Variants in PIWIL3 observed in about 807,000 individuals in gnomAD.
The protein encoded by PIWIL3 is piwi like RNA-mediated gene silencing 3, also known as piwi-like protein 3.
Under a neutral mutation model 109.7 loss-of-function variants are expected in PIWIL3, and 101 were observed. The observed-to-expected ratio is 0.92, with a 90% CI of 0.78 to 1.09. The LOEUF is 1.09. PIWIL3 is among the 50% of genes least tolerant of loss of function. The probability of loss-of-function intolerance (pLI) is 0.00; values close to 1 mark genes in which losing one functional copy is unlikely to be tolerated. For synonymous variants in PIWIL3, 373 were observed against 376.4 expected (o/e 0.99, Z 0.10); for missense variants, 1,031 against 1,072.6 (o/e 0.96, Z 0.54).
rs780967904 is a variant in PIWIL3, at chr22:24,728,164, A to G, written c.1905+13T>C. 4.3e-6 allele frequency: 7 copies of G among 1,613,326 alleles called. No homozygotes were observed. The East Asian group carries it at 1.6e-4, about 36-fold the overall frequency. ...AGAAGTAAGTTAAACGAAGTCAGTG[A>G]AATACAACATACGTCTGTCTCCACC... On this transcript the variant is annotated intron_variant, in intron 15 of 20. Coordinates refer to ENST00000616349, the MANE Select transcript of PIWIL3 (RefSeq NM_001255975.1).
At chr22:24,720,853 G>T (rs1247062173) in intron 19 of PIWIL3, among the ~76,000 whole-genome samples, 3 of 152,164 alleles carry the variant, frequency 2.0e-5, no homozygotes, top group Non-Finnish European at 4.4e-5. Context: ...AGCAGCAGCA[G>T]CTTTATCATT....
chr22:24,747,323 A>G (rs945711052), intron 12 of PIWIL3, among the ~76,000 whole-genome samples: 1 of 152,196 alleles, frequency 6.6e-6, no homozygotes, highest in Non-Finnish European at 1.5e-5. Context: ...GCTTGAAGAC[A>G]TAAATCCAAG....
rs1569092960 is a variant in PIWIL3 at position 24,719,464 on chromosome 22, T to C, written c.*8A>G. On this transcript the variant is annotated 3_prime_UTR_variant, in exon 21 of 21. Transcript: ENST00000616349. ...GTTTCATTAGCACATCAGGTCTTCT[T>C]CTGCAGGTCAAAGGTAAAAGAGACG... The C allele has an allele frequency of 6.4e-7, 1 of 1,551,292 alleles. No homozygotes were observed. The highest frequency in any genetic ancestry group is 8.7e-7 in the Non-Finnish European group (1 of 1,150,038).
chr22:24,735,894 T>C lies in PIWIL3; in HGVS notation c.1450-2A>G. 6 of 1,588,826 alleles carry C rather than the reference T, an allele frequency of 3.8e-6. No individual in the cohort carries two copies. Among genetic ancestry groups the C allele is most frequent in the Non-Finnish European group, 5.1e-6 (6 of 1,169,326 alleles). ...GTCTCCTTGTGAATTGGCTTTAACC[T>C]GGAAAAGAATTATAAGACATGGCAT... On this transcript the variant is annotated splice_acceptor_variant, in intron 12 of 20. Coordinates refer to ENST00000616349, the MANE Select transcript of PIWIL3 (RefSeq NM_001255975.1). LOFTEE classifies it high-confidence loss of function.
At chr22:24,742,988 G>A (rs991683770) in intron 12 of PIWIL3, among the ~76,000 whole-genome samples, 4 of 152,088 alleles carry the variant, frequency 2.6e-5, no homozygotes, top group African/African-American at 9.7e-5. Context: ...CCCAAACTAT[G>A]CATATGATGA....
chr22:24,773,505 G>T (rs368623731), intron 1 of PIWIL3, among the ~76,000 whole-genome samples: 6 of 152,062 alleles, frequency 3.9e-5, no homozygotes, highest in Admixed American at 2.6e-4. Flanking sequence ...GCCACCATCT[G>T]CATCATCCCC....
At chr22:24,744,692 T>G (rs1924250033) in intron 12 of PIWIL3, among the ~76,000 whole-genome samples, 1 of 152,204 alleles carries the variant, frequency 6.6e-6, no homozygotes, top group Non-Finnish European at 1.5e-5. Context: ...AGCAAGAGGA[T>G]ATGACAATTG....
chr22:24,757,894 C>A lies in PIWIL3; in HGVS notation c.355+14G>T, dbSNP rs767443628. On this transcript the variant is annotated intron_variant, in intron 4 of 20. Transcript: ENST00000616349. ...CGAACAGCTCCATAAACATTGAGTT[C>A]TAGACCAACATACCTGTTTTTGAGT... The A allele has an allele frequency of 4.4e-6, 7 of 1,582,622 alleles. No homozygotes were observed. Among genetic ancestry groups the A allele is most frequent in the Non-Finnish European group, 5.1e-6 (6 of 1,169,258 alleles).
At position 24,730,312 on chromosome 22, in the gene PIWIL3, C is replaced by T. The variant is rs531704689; in HGVS notation, c.1708-1938G>A. 1.1e-3 allele frequency among the ~76,000 whole-genome samples: 150 copies of T among 135,884 alleles called. 1 individual carries two copies. Among genetic ancestry groups the T allele is most frequent in the African/African-American group, 4.1e-3 (144 of 35,416 alleles). The allele number at this position is 135,884 out of a possible 152,430, so 89.1% of individuals were successfully genotyped here. A position where few individuals can be genotyped will look rare whatever the true frequency, so the allele number is the denominator to read the frequency against. On this transcript the variant is annotated intron_variant, in intron 14 of 20. Transcript: ENST00000616349. ...CTGGGAGGCGGAGGTTGCAGTGAGC[C>T]GAGATTGCATCACTACACTCCAGCC...
intron 14 of PIWIL3, among the ~76,000 whole-genome samples, chr22:24,730,340 G>T (rs1446802443): frequency 7.0e-6 from 1 of 143,144 alleles, no homozygotes; most frequent in Non-Finnish European, 1.5e-5. Context: ...CTCCAGCCTG[G>T]GTGACAGAGT....
At chr22:24,758,107 C>T in intron 3 of PIWIL3, 68 bp from the exon 4 acceptor site, 1 of 1,509,550 alleles carries the variant, frequency 6.6e-7, no homozygotes, top group Non-Finnish European at 9.0e-7. Context: ...AGCATTAACA[C>T]CCAGCATAAG....
chr22:24,758,027 G>C lies in PIWIL3; in HGVS notation c.236C>G (p.Pro79Arg), dbSNP rs1925198408. 1 of 1,611,562 alleles carries C rather than the reference G, an allele frequency of 6.2e-7. No homozygotes were observed. Among genetic ancestry groups the C allele is most frequent in the African/African-American group, 1.3e-5 (1 of 74,722 alleles). Residue 79 changes from proline to arginine, a missense_variant, in exon 4 of 21, where the codon CCT becomes CGT. Pro to Arg is a moderately radical substitution (Grantham distance 103). Transcript: ENST00000616349. The part of the protein sequence containing the change: ...GGAQSQGVKE[P>R]GPEAGLHTAP... ...TGTATGCAACCCAGCCTCAGGTCCA[G>C]GTTCCTTCACCCCTGCATAAATGTA... is the stretch of plus-strand genomic sequence containing the variant.
chr22:24,723,510 T>A (rs1010946921), intron 18 of PIWIL3, among the ~76,000 whole-genome samples: 1 of 152,188 alleles, frequency 6.6e-6, no homozygotes, highest in Non-Finnish European at 1.5e-5. Context: ...CTACAATCCC[T>A]GCTGAGCAGC....
At chr22:24,754,745 T>TA in intron 7 of PIWIL3, 39 bp downstream of exon 7, 1 of 1,479,184 alleles carries the variant, frequency 6.8e-7, no homozygotes, top group African/African-American at 1.4e-5. Flanking sequence ...ATCCTACGTT[T>TA]AAGTCTGCAG....
Position 24,749,519 on chromosome 22 carries a change from G to T in PIWIL3, c.1219C>A (p.Leu407Ile). The change falls in exon 11 of 21, where the codon CTA becomes ATA. Residue 407 changes from leucine to isoleucine, a missense_variant and splice_region_variant. Leu to Ile is a conservative substitution (Grantham distance 5, BLOSUM62 2). Coordinates refer to ENST00000616349, the MANE Select transcript of PIWIL3 (RefSeq NM_001255975.1). ...TAATCTTTACATATTTCATCTGTTAGACCTTTAAAAAAATCCAAAAGATAC... is the reference window on the plus strand; with the variant it reads ...TAATCTTTACATATTTCATCTGTTATACCTTTAAAAAAATCCAAAAGATAC... ...LIPQLCHMTG[L>I]TDEICKDYSI... 1 of 1,612,704 alleles carries T rather than the reference G, an allele frequency of 6.2e-7. No individual in the cohort carries two copies. The highest frequency in any genetic ancestry group is 1.1e-5 in the South Asian group (1 of 91,000).
Position 24,762,411 on chromosome 22 carries a change from G to A in PIWIL3, c.89C>T (p.Pro30Leu). Residue 30 changes from proline (P) to leucine (L), a missense_variant, in exon 2 of 21, where the codon CCT becomes CTT. Physicochemically the swap from Pro to Leu is moderately conservative, Grantham distance 98 (BLOSUM62 -3). Transcript: ENST00000616349. Reference sequence around the variant, plus strand: ...TACAGGGCTCACTGTAGCTGATCCAGGTGCTCTGGGTCCCCCAGGTGCCTC... The same window carrying A: ...TACAGGGCTCACTGTAGCTGATCCAAGTGCTCTGGGTCCCCCAGGTGCCTC... Reference protein sequence around the residue: ...QQEAPGGPRAPGSATTQEPPQ... With the variant: ...QQEAPGGPRALGSATTQEPPQ... 6.2e-7 allele frequency: 1 copy of A among 1,613,632 alleles called. No individual in the cohort carries two copies. Among genetic ancestry groups the A allele is most frequent in the Non-Finnish European group, 8.5e-7 (1 of 1,179,816 alleles).
chr22:24,723,608 G>C (rs1293322374), intron 18 of PIWIL3, among the ~76,000 whole-genome samples: 1 of 152,162 alleles, frequency 6.6e-6, no homozygotes, highest in African/African-American at 2.4e-5. Context: ...GGCTCCTCCA[G>C]CCTGGAAACA....
Position 24,757,906 on chromosome 22 carries a change from A to C in PIWIL3, c.355+2T>G, listed in dbSNP as rs752695755. The C allele has an allele frequency of 6.3e-7, 1 of 1,598,354 alleles. No homozygotes were observed. The highest frequency in any genetic ancestry group is 8.5e-7 in the Non-Finnish European group (1 of 1,176,004). On this transcript the variant is annotated splice_donor_variant, in intron 4 of 20. Coordinates refer to ENST00000616349, the MANE Select transcript of PIWIL3 (RefSeq NM_001255975.1). LOFTEE classifies it high-confidence loss of function. ...TAAACATTGAGTTCTAGACCAACAT[A>C]CCTGTTTTTGAGTCTTTAACATGCT...
chr22:24,742,929 A>C (rs775580582), intron 12 of PIWIL3, among the ~76,000 whole-genome samples: 16 of 152,248 alleles, frequency 1.1e-4, no homozygotes, highest in Admixed American at 2.0e-4. Context: ...TATGCACAGC[A>C]AAAGAAATAA....
Sources: allele counts gnomAD v4.1 joint callset (sites outside exome capture counted in the v4.1 genomes callset), GRCh38; gene constraint gnomAD v4.1.1; transcripts MANE v1.5; gene names NCBI Gene and HGNC (gene_info 2026-07-23, HGNC 2026-07-21).